The following LANCL3 variants were observed in gnomAD, a reference collection of about 807,000 sequenced individuals.
The protein encoded by LANCL3 is lanC-like protein 3.
A neutral mutation model predicts 26.5 loss-of-function variants in LANCL3; 19 were observed. The observed-to-expected ratio is 0.72, with a 90% CI of 0.50 to 1.05. The LOEUF is 1.05. Ranked by LOEUF, LANCL3 falls within the 50% of genes least tolerant of loss-of-function variation. The pLI is 0.00. For missense variants in LANCL3, 318 were observed against 362.7 expected (o/e 0.88, Z 1.00); for synonymous variants, 160 against 166.6 (o/e 0.96, Z 0.30).
chrX:37,670,322 A>G (rs1332104262), intron 4 of LANCL3, among the ~76,000 whole-genome samples: 2 of 111,499 alleles, frequency 1.8e-5, no homozygotes, highest in Non-Finnish European at 3.8e-5. Context: ...AGCCTTTGTC[A>G]TACCAAAGTT....
In LANCL3 at chrX:37,631,601, T is replaced by A. The variant is rs1179737713; in HGVS notation, c.574-24087T>A. On this transcript the variant is annotated intron_variant, in intron 1 of 4. Transcript: ENST00000378619. ...CTTGTGGGCATTTAGTCCTCGAAAT[T>A]TCCCTCTACACACTGCTTTGAATGT... Among the ~76,000 whole-genome samples the A allele has an allele frequency of 5.4e-5, 6 of 111,432 alleles. No individual in the cohort carries two copies. The Admixed American group carries it at 5.7e-4, about 11-fold the overall frequency.
chrX:37,578,590 A>G (rs1194140757), intron 1 of LANCL3, among the ~76,000 whole-genome samples: 1 of 112,276 alleles, frequency 8.9e-6, no homozygotes, highest in African/African-American at 3.2e-5. Flanking sequence ...AGTTTGGGGA[A>G]TATATTTTAT....
chrX:37,574,462 C>T (rs1481502453), intron 1 of LANCL3, among the ~76,000 whole-genome samples: 8 of 111,988 alleles, frequency 7.1e-5, no homozygotes, highest in Non-Finnish European at 1.3e-4. Flanking sequence ...CCCCACATTA[C>T]TGGGCACATC....
chrX:37,635,795 G>T (rs1164653301), intron 1 of LANCL3, among the ~76,000 whole-genome samples: 2 of 110,361 alleles, frequency 1.8e-5, no homozygotes, highest in African/African-American at 6.6e-5. Context: ...AATATGTATA[G>T]TTATTACTTA....
rs1926949571 is a variant in LANCL3 at position 37,682,100 on chromosome X, T to TA, written c.*6287_*6288insA. 9.1e-6 allele frequency: 1 copy of TA among 109,563 alleles called. No individual in the cohort carries two copies. The highest frequency in any genetic ancestry group is 3.3e-5 in the African/African-American group (1 of 30,207). 9.0% of individuals were successfully genotyped at this position (109,563 alleles called of 1,213,427 possible). A position where few individuals can be genotyped will look rare whatever the true frequency, so the allele number is the denominator to read the frequency against. On this transcript the variant is annotated 3_prime_UTR_variant, in exon 5 of 5. Transcript: ENST00000378619. ...CTGATGTTTTATTTTTATTTTTATT[T>TA]TTTTATTTTTTTTTTTTTTTGAGAC...
At position 37,684,298 on chromosome X, in the gene LANCL3, C is replaced by T. The variant is rs1279854329; in HGVS notation, c.*8485C>T. The T allele has an allele frequency of 1.8e-5, 2 of 112,429 alleles. No individual in the cohort carries two copies. The highest frequency in any genetic ancestry group is 3.8e-5 in the Non-Finnish European group (2 of 53,260). 9.3% of individuals were successfully genotyped at this position (112,429 alleles called of 1,213,427 possible). On this transcript the variant is annotated 3_prime_UTR_variant, in exon 5 of 5. Transcript: ENST00000378619. Reference sequence around the variant, plus strand: ...TCTTTCCAAATGTGTTTTCTGTATTCGTTTTGTACTGTAGAAAATAATTCG... The same window carrying T: ...TCTTTCCAAATGTGTTTTCTGTATTTGTTTTGTACTGTAGAAAATAATTCG...
At chrX:37,587,429 T>A (rs1363957670) in intron 1 of LANCL3, among the ~76,000 whole-genome samples, 1 of 112,814 alleles carries the variant, frequency 8.9e-6, no homozygotes, top group East Asian at 2.8e-4. Context: ...CTCCTTGAGC[T>A]GCGGTGGGCT....
rs1393598055 is a variant in LANCL3, at chrX:37,681,357, A to C, written c.*5544A>C. On this transcript the variant is annotated 3_prime_UTR_variant, in exon 5 of 5. Transcript: ENST00000378619. The stretch of plus-strand genomic sequence containing the variant: ...ACTTACTATACATCTCCAGTCTCGA[A>C]GTAGCCACATTTCAAGTGTATAAGA... 8.9e-6 allele frequency: 1 copy of C among 112,249 alleles called. No individual in the cohort carries two copies. The highest frequency in any genetic ancestry group is 9.4e-5 in the Admixed American group (1 of 10,614). 9.3% of individuals were successfully genotyped at this position (112,249 alleles called of 1,213,427 possible).
At chrX:37,633,872 G>A (rs1925617964) in intron 1 of LANCL3, among the ~76,000 whole-genome samples, 1 of 112,115 alleles carries the variant, frequency 8.9e-6, no homozygotes, top group African/African-American at 3.2e-5. Flanking sequence ...GGCTGCTCGG[G>A]GGTCAGGAGT....
In LANCL3 at chrX:37,629,392, G is replaced by C. The variant is rs782595850; in HGVS notation, c.574-26296G>C. On this transcript the variant is annotated intron_variant, in intron 1 of 4. Transcript: ENST00000378619. ...GGTTGCGAAAATTTTCTCCCATTTT[G>C]TAGGTTGCCTGTTCACTCTGATGGT... 1.6e-3 allele frequency among the ~76,000 whole-genome samples: 177 copies of C among 109,294 alleles called. 1 individual carries two copies. The highest frequency in any genetic ancestry group is 5.7e-3 in the African/African-American group (170 of 29,838). The allele number at this position is 109,294 out of a possible 115,157, so 94.9% of individuals were successfully genotyped here.
At chrX:37,662,840 G>T in intron 3 of LANCL3, among the ~76,000 whole-genome samples, 1 of 105,440 alleles carries the variant, frequency 9.5e-6, no homozygotes, top group South Asian at 4.3e-4. Context: ...TAATTAAGCA[G>T]CCTTATTGTG....
At chrX:37,671,062 A>G (rs888356698) in intron 4 of LANCL3, among the ~76,000 whole-genome samples, 1 of 111,636 alleles carries the variant, frequency 9.0e-6, no homozygotes, top group African/African-American at 3.2e-5. Context: ...ATATAAATAT[A>G]GATTGTATCT....
At chrX:37,670,473 A>G (rs1433178097) in intron 4 of LANCL3, among the ~76,000 whole-genome samples, 1 of 98,390 alleles carries the variant, frequency 1.0e-5, no homozygotes, top group African/African-American at 4.4e-5. Context: ...TGATTTTAAC[A>G]TTAAAATTTT....
intron 1 of LANCL3, 117 bp downstream of exon 1, chrX:37,572,560 G>T (rs1348104927): frequency 1.2e-5 from 7 of 583,258 alleles, no homozygotes; most frequent in Non-Finnish European, 1.9e-5. Context: ...TGTTACTCTT[G>T]GTGTGGTGCT....
At chrX:37,646,851 G>A (rs1569468350) in intron 1 of LANCL3, among the ~76,000 whole-genome samples, 1 of 111,638 alleles carries the variant, frequency 9.0e-6, no homozygotes, top group Non-Finnish European at 1.9e-5. Flanking sequence ...GGCTTGGCAT[G>A]ATGGGATGGA....
At chrX:37,600,679 A>G (rs1924552838) in intron 1 of LANCL3, among the ~76,000 whole-genome samples, 1 of 112,015 alleles carries the variant, frequency 8.9e-6, no homozygotes, top group African/African-American at 3.2e-5. Context: ...GTACTAATTC[A>G]GTACTTCTCA....
chrX:37,623,841 A>G (rs1925237491), intron 1 of LANCL3, among the ~76,000 whole-genome samples: 1 of 112,167 alleles, frequency 8.9e-6, no homozygotes, highest in South Asian at 3.7e-4. Flanking sequence ...AAACATATCC[A>G]TGAGCATGCA....
At position 37,675,873 on chromosome X, in the gene LANCL3, C is replaced by T; in HGVS notation, c.*60C>T. The T allele has an allele frequency of 1.2e-6, 1 of 854,981 alleles. No homozygotes were observed. The highest frequency in any genetic ancestry group is 1.5e-6 in the Non-Finnish European group (1 of 650,310). 70.5% of individuals were successfully genotyped at this position (854,981 alleles called of 1,213,427 possible). A position where few individuals can be genotyped will look rare whatever the true frequency, so the allele number is the denominator to read the frequency against. On this transcript the variant is annotated 3_prime_UTR_variant, in exon 5 of 5. Transcript: ENST00000378619. ...CCCCTGAGCCAAGCCGAGGCAGTTTCCACATAAGCCACATTCAATGGTATC... is the reference window on the plus strand; with the variant it reads ...CCCCTGAGCCAAGCCGAGGCAGTTTTCACATAAGCCACATTCAATGGTATC...
At chrX:37,622,327 G>T (rs1925187490) in intron 1 of LANCL3, among the ~76,000 whole-genome samples, 1 of 110,151 alleles carries the variant, frequency 9.1e-6, no homozygotes, top group Non-Finnish European at 1.9e-5. Context: ...GTCTTCTCTG[G>T]CATTTCCCAA....
Sources: gnomAD v4.1 joint callset for allele counts (sites outside exome capture counted in the v4.1 genomes callset) on GRCh38, gnomAD v4.1.1 for gene constraint, MANE v1.5 for transcripts, NCBI Gene and HGNC (gene_info 2026-07-23, HGNC 2026-07-21) for gene names.